The following PCDH11X variants were observed in gnomAD, a reference collection of about 807,000 sequenced individuals.
The protein encoded by PCDH11X is protocadherin-11 X-linked.
In PCDH11X, 18 loss-of-function variants were observed where a neutral mutation model predicts 53.3. That is an observed-to-expected ratio of 0.34 (90% confidence interval 0.23 to 0.50). The LOEUF (loss-of-function observed/expected upper bound fraction) is 0.50. Ranked by LOEUF, PCDH11X falls within the 20% of genes least tolerant of loss-of-function variation. The pLI is 0.98. For synonymous variants in PCDH11X, 279 were observed against 393.3 expected (o/e 0.71, Z 3.44); for missense variants, 570 against 1,032.4 (o/e 0.55, Z 6.14).
intron 6 of PCDH11X, among the ~76,000 whole-genome samples, chrX:92,118,679 G>C (rs2064687375): frequency 2.0e-5 from 2 of 98,798 alleles, no homozygotes; most frequent in South Asian, 9.1e-4. Context: ...AAAATTTATT[G>C]CATTTTAATG....
intron 8 of PCDH11X, among the ~76,000 whole-genome samples, chrX:92,318,538 A>G (rs764956236): frequency 1.2e-3 from 137 of 111,508 alleles, no homozygotes; most frequent in African/African-American, 4.3e-3. Flanking sequence ...ACAGGCCACA[A>G]CTGCATAAAC....
At chrX:92,601,811 G>C (rs1207377541) in intron 10 of PCDH11X, among the ~76,000 whole-genome samples, 1 of 110,091 alleles carries the variant, frequency 9.1e-6, no homozygotes, top group Admixed American at 9.7e-5. Context: ...ATCCCTTCCA[G>C]GGTCATTCAA....
chrX:92,265,687 G>A (rs201456831), intron 8 of PCDH11X, among the ~76,000 whole-genome samples: 2 of 110,937 alleles, frequency 1.8e-5, no homozygotes, highest in Non-Finnish European at 3.8e-5. Context: ...TTTTACAGAT[G>A]AGGAATGGTG....
At chrX:92,108,128 A>C (rs1374776196) in intron 6 of PCDH11X, among the ~76,000 whole-genome samples, 1 of 112,098 alleles carries the variant, frequency 8.9e-6, no homozygotes, top group Non-Finnish European at 1.9e-5. Flanking sequence ...TGTTCTGAAA[A>C]CATACCTGGT....
intron 6 of PCDH11X, among the ~76,000 whole-genome samples, chrX:92,006,502 A>G (rs2062602769): frequency 1.8e-5 from 2 of 110,654 alleles, no homozygotes; most frequent in Admixed American, 9.7e-5. Flanking sequence ...ATAGAATTCT[A>G]AATTCCTTCT....
chrX:91,971,395 AAT>A (rs1199200854), intron 6 of PCDH11X, among the ~76,000 whole-genome samples: 1 of 107,763 alleles, frequency 9.3e-6, no homozygotes, highest in Non-Finnish European at 1.9e-5. Context: ...TGTCTGGGGG[AAT>A]ATGTTACTCA....
intron 6 of PCDH11X, among the ~76,000 whole-genome samples, chrX:92,166,385 T>C (rs2082571754): frequency 9.1e-6 from 1 of 109,839 alleles, no homozygotes; most frequent in South Asian, 3.9e-4. Context: ...TGTCAGAAAA[T>C]AGTTCCTAAT....
chrX:92,407,237 T>C (rs1405186117), intron 9 of PCDH11X, among the ~76,000 whole-genome samples: 1 of 111,600 alleles, frequency 9.0e-6, no homozygotes, highest in African/African-American at 3.3e-5. Flanking sequence ...TAGTTCCCTA[T>C]TGATATTTTC....
chrX:91,800,949 G>A (rs764175477), intron 1 of PCDH11X, among the ~76,000 whole-genome samples: 1 of 107,761 alleles, frequency 9.3e-6, no homozygotes, highest in Non-Finnish European at 1.9e-5. Context: ...GAGGTGGAGT[G>A]GGGCAGAGAG....
At chrX:91,839,195 T>A (rs2147626155) in intron 5 of PCDH11X, among the ~76,000 whole-genome samples, 1 of 110,359 alleles carries the variant, frequency 9.1e-6, no homozygotes, top group Admixed American at 9.9e-5. Context: ...ATATGACTGG[T>A]AAATGATAGA....
chrX:91,884,205 A>C (rs1274728316), intron 6 of PCDH11X, among the ~76,000 whole-genome samples: 1 of 109,168 alleles, frequency 9.2e-6, no homozygotes, highest in East Asian at 2.8e-4. Flanking sequence ...AAAAAAAAAA[A>C]AAAAAAAGAA....
chrX:91,870,428 T>C (rs773422805), intron 5 of PCDH11X, among the ~76,000 whole-genome samples: 2 of 110,739 alleles, frequency 1.8e-5, no homozygotes, highest in East Asian at 5.7e-4. Context: ...AATTCTATCA[T>C]TTTCAAGAAT....
chrX:92,562,681 A>C, intron 10 of PCDH11X, among the ~76,000 whole-genome samples: 1 of 110,618 alleles, frequency 9.0e-6, no homozygotes, highest in African/African-American at 3.3e-5. Flanking sequence ...TTTGCTGCTG[A>C]GAAATTTCTT....
At chrX:92,391,743 C>T (rs1207604616) in intron 9 of PCDH11X, among the ~76,000 whole-genome samples, 1 of 110,925 alleles carries the variant, frequency 9.0e-6, no homozygotes, top group African/African-American at 3.3e-5. Flanking sequence ...TGCTATTTCA[C>T]TATAGGTAAG....
chrX:92,614,425 C>A (rs1164053617), intron 10 of PCDH11X, among the ~76,000 whole-genome samples: 2 of 106,514 alleles, frequency 1.9e-5, no homozygotes, highest in African/African-American at 3.4e-5. Context: ...GCTTCTGTAA[C>A]CCTATGTAGT....
chrX:92,005,486 C>T (rs1353764751), intron 6 of PCDH11X, among the ~76,000 whole-genome samples: 1 of 111,631 alleles, frequency 9.0e-6, no homozygotes, highest in African/African-American at 3.3e-5. Context: ...CAAATAAAAA[C>T]TCTATGCCTC....
intron 9 of PCDH11X, among the ~76,000 whole-genome samples, chrX:92,440,612 A>G (rs1211227193): frequency 1.8e-5 from 2 of 110,497 alleles, no homozygotes; most frequent in African/African-American, 6.6e-5. Flanking sequence ...CATCCACGTA[A>G]GATGTGACTT....
chrX:92,532,246 T>C (rs1230461518), intron 10 of PCDH11X, among the ~76,000 whole-genome samples: 1 of 111,559 alleles, frequency 9.0e-6, no homozygotes, highest in Non-Finnish European at 1.9e-5. Context: ...CCTAAATTTC[T>C]ATTAGATTTA....
intron 6 of PCDH11X, among the ~76,000 whole-genome samples, chrX:92,084,358 A>C: frequency 9.3e-6 from 1 of 107,854 alleles, no homozygotes; most frequent in Middle Eastern, 4.6e-3. Flanking sequence ...GACCAGCCTG[A>C]CCAACATGGA....
Sources: allele counts gnomAD v4.1 joint callset (sites outside exome capture counted in the v4.1 genomes callset), GRCh38; gene constraint gnomAD v4.1.1; transcripts MANE v1.5; gene names NCBI Gene and HGNC (gene_info 2026-07-23, HGNC 2026-07-21).